NEK10: variants seen among roughly 807,000 people sequenced by gnomAD.
NEK10 encodes the protein NIMA related kinase 10.
A neutral mutation model predicts 159.8 loss-of-function variants in NEK10; 122 were observed. The observed-to-expected ratio is 0.76, with a 90% CI of 0.66 to 0.89. The LOEUF is 0.89. Ranked by LOEUF, NEK10 falls within the 40% of genes least tolerant of loss-of-function variation. The pLI is 0.00. For synonymous variants in NEK10, 466 were observed against 457.1 expected, an observed-to-expected ratio of 1.02 and a Z score of -0.25; for missense variants, 1,342 against 1,323.1, an observed-to-expected ratio of 1.01 and a Z score of -0.22.
At chr3:27,171,676 A>G in intron 29 of NEK10, 143 bp downstream of exon 29, 1 of 733,388 alleles carries the variant, frequency 1.4e-6, no homozygotes, top group Non-Finnish European at 2.2e-6. Context: ...TTGGTGAACT[A>G]TAAACAGTTC....
At chr3:27,318,929 C>T (rs1448706801) in intron 6 of NEK10, among the ~76,000 whole-genome samples, 2 of 151,822 alleles carry the variant, frequency 1.3e-5, no homozygotes, top group African/African-American at 4.8e-5. Flanking sequence ...AAAAAAAAAA[C>T]TTTGGGGAAG....
At chr3:27,229,266 T>C (rs1952974645) in intron 23 of NEK10, among the ~76,000 whole-genome samples, 1 of 152,068 alleles carries the variant, frequency 6.6e-6, no homozygotes, top group Non-Finnish European at 1.5e-5. Flanking sequence ...TACAGAGTCT[T>C]TACCCCTAAC....
chr3:27,167,224 AT>A (rs1165109027), intron 29 of NEK10, among the ~76,000 whole-genome samples: 1 of 152,130 alleles, frequency 6.6e-6, no homozygotes, highest in Non-Finnish European at 1.5e-5. Context: ...AGTAGGCAAG[AT>A]TTCAGTCCTT....
intron 5 of NEK10, among the ~76,000 whole-genome samples, chr3:27,326,247 A>G (rs907735152): frequency 1.3e-5 from 2 of 152,240 alleles, no homozygotes; most frequent in African/African-American, 4.8e-5. Flanking sequence ...TTTCTCTTTC[A>G]GGTGCTGGGT....
At chr3:27,247,820 C>CTTTTTTTT (rs111440414) in intron 23 of NEK10, among the ~76,000 whole-genome samples, 5 of 125,924 alleles carry the variant, frequency 4.0e-5, no homozygotes, top group East Asian at 2.3e-4. Context: ...CTTTTCTTTT[C>CTTTTTTTT]TTTTTTTTTT....
intron 32 of NEK10, 126 bp downstream of exon 32, chr3:27,131,754 G>A (rs1361122713): frequency 4.4e-6 from 2 of 453,090 alleles, no homozygotes; most frequent in African/African-American, 4.0e-5. Flanking sequence ...AATTTAGTAT[G>A]TAAAGCAGCA....
In NEK10 at chr3:27,316,152, A is replaced by G. The variant is rs186644506; in HGVS notation, c.448-1814T>C. Among the ~76,000 whole-genome samples the G allele has an allele frequency of 3.7e-3, 557 of 152,304 alleles. 3 individuals are homozygous for G. Among genetic ancestry groups the G allele is most frequent in the African/African-American group, 0.011 (459 of 41,560 alleles). Reference sequence around the variant, plus strand: ...GTTTTCATGCAGACCGTGATACCCAATGAAAACGTGTGAGCAAGGGACTGG... The same window carrying G: ...GTTTTCATGCAGACCGTGATACCCAGTGAAAACGTGTGAGCAAGGGACTGG... On this transcript the variant is annotated intron_variant, in intron 6 of 35. Coordinates refer to ENST00000691995, the MANE Select transcript of NEK10 (RefSeq NM_001394966.1).
chr3:27,304,725 GC>G, intron 12 of NEK10, 21 bp downstream of exon 12: 1 of 1,533,084 alleles, frequency 6.5e-7, no homozygotes, highest in Non-Finnish European at 9.0e-7. Context: ...GGCAAAGTAG[GC>G]CAAAGCCCAC....
intron 23 of NEK10, among the ~76,000 whole-genome samples, chr3:27,218,792 G>A (rs2370946): frequency 0.63 from 93,977 of 149,160 alleles, 30,946 homozygotes; most frequent in African/African-American, 0.85. Context: ...AGCATTTGAC[G>A]AAGTCCAACT....
At chr3:27,353,094 A>G (rs1440070894) in intron 1 of NEK10, among the ~76,000 whole-genome samples, 175 bp from the exon 2 acceptor site, 3 of 152,218 alleles carry the variant, frequency 2.0e-5, no homozygotes, top group African/African-American at 7.2e-5. Flanking sequence ...TATCATTCAA[A>G]GGACATTGGG....
intron 32 of NEK10, among the ~76,000 whole-genome samples, chr3:27,121,198 A>G (rs1172789646): frequency 6.6e-6 from 1 of 152,206 alleles, no homozygotes; most frequent in East Asian, 1.9e-4. Context: ...TCCGTGGAGA[A>G]AAGAATGGAT....
intron 23 of NEK10, among the ~76,000 whole-genome samples, chr3:27,210,278 A>ATGAGGCAT (rs369759392): frequency 0.086 from 13,029 of 152,088 alleles, 1,827 homozygotes; most frequent in African/African-American, 0.3. Flanking sequence ...CCGAGGCACC[A>ATGAGGCAT]TGAGGCATCA....
At chr3:27,274,676 C>T (rs1193768562) in intron 22 of NEK10, among the ~76,000 whole-genome samples, 5 of 151,990 alleles carry the variant, frequency 3.3e-5, no homozygotes, top group African/African-American at 4.8e-5. Context: ...CACACACACA[C>T]ATACTGTGTG....
chr3:27,132,011 A>G, intron 31 of NEK10, 21 bp from the exon 32 acceptor site: 2 of 1,405,958 alleles, frequency 1.4e-6, no homozygotes, highest in Non-Finnish European at 2.0e-6. Flanking sequence ...TAAGAAAACA[A>G]TCATTATAAA....
intron 30 of NEK10, among the ~76,000 whole-genome samples, chr3:27,143,937 C>T (rs546169201): frequency 8.5e-5 from 13 of 152,292 alleles, no homozygotes; most frequent in East Asian, 7.7e-4. Context: ...TCAAATGAAT[C>T]GGAACTAGAT....
chr3:27,166,347 C>T (rs1019362439), intron 29 of NEK10, among the ~76,000 whole-genome samples: 5 of 152,154 alleles, frequency 3.3e-5, no homozygotes, highest in Non-Finnish European at 5.9e-5. Context: ...AGAACTATTA[C>T]AGAAAAGAAA....
At chr3:27,233,506 AG>A (rs1953545594) in intron 23 of NEK10, among the ~76,000 whole-genome samples, 1 of 152,118 alleles carries the variant, frequency 6.6e-6, no homozygotes, top group Admixed American at 6.6e-5. Context: ...GATTACATAA[AG>A]AACCAAAAGT....
At chr3:27,132,546 T>C (rs1424246456) in intron 31 of NEK10, among the ~76,000 whole-genome samples, 1 of 152,126 alleles carries the variant, frequency 6.6e-6, no homozygotes, top group Non-Finnish European at 1.5e-5. Context: ...TAGCATATAT[T>C]AAGACCAGAC....
intron 23 of NEK10, among the ~76,000 whole-genome samples, chr3:27,235,463 A>G (rs1953804796): frequency 6.6e-6 from 1 of 152,206 alleles, no homozygotes; most frequent in South Asian, 2.1e-4. Flanking sequence ...GGACATGAAC[A>G]AACACTTTTC....
Sources: gnomAD v4.1 joint callset for allele counts (sites outside exome capture counted in the v4.1 genomes callset) on GRCh38, gnomAD v4.1.1 for gene constraint, MANE v1.5 for transcripts, NCBI Gene and HGNC (gene_info 2026-07-23, HGNC 2026-07-21) for gene names.